The following TBC1D19 variants were observed in gnomAD, a reference collection of about 807,000 sequenced individuals.
TBC1D19 encodes TBC1 domain family, member 19.
In TBC1D19, 60 loss-of-function variants were observed where a neutral mutation model predicts 89.0. The ratio of observed to expected loss-of-function variants is 0.67; its 90% CI spans 0.55 to 0.84. The LOEUF (loss-of-function observed/expected upper bound fraction) is 0.84. Among genes scored for constraint, TBC1D19 ranks in the 40% least tolerant of loss-of-function variants. TBC1D19 has a pLI of 0.00. For missense variants in TBC1D19, 500 were observed against 610.8 expected (o/e 0.82, Z 1.91); for synonymous variants, 189 against 199.7 (o/e 0.95, Z 0.45).
intron 1 of TBC1D19, among the ~76,000 whole-genome samples, chr4:26,608,474 T>C (rs1269162404): frequency 2.0e-5 from 3 of 152,218 alleles, no homozygotes; most frequent in Non-Finnish European, 4.4e-5. Flanking sequence ...CTAAATCATG[T>C]TTGGGAACCA....
Position 26,672,199 on chromosome 4 carries a change from AT to A in TBC1D19, c.703+14del. The A allele has an allele frequency of 7.6e-7, 1 of 1,323,530 alleles. No individual in the cohort carries two copies. The highest frequency in any genetic ancestry group is 1.0e-6 in the Non-Finnish European group (1 of 1,001,540). 82.0% of individuals were successfully genotyped at this position (1,323,530 alleles called of 1,614,324 possible). A position where few individuals can be genotyped will look rare whatever the true frequency, so the allele number is the denominator to read the frequency against. On this transcript the variant is annotated intron_variant, in intron 10 of 20. Coordinates refer to ENST00000264866, the MANE Select transcript of TBC1D19 (RefSeq NM_018317.4). ...TATTGGGCAAAAAGGTAAGCTTTTA[AT>A]TATAAATGTTATTATTTCTGAAAAG...
Position 26,620,670 on chromosome 4 carries a change from A to G in TBC1D19, c.276A>G (p.Val92=). 6.2e-7 allele frequency: 1 copy of G among 1,613,778 alleles called. No homozygotes were observed. The highest frequency in any genetic ancestry group is 1.1e-5 in the South Asian group (1 of 91,026). ...APPEHLKEPL[V]YMRKAQGSWE... ...CTGAACATCTTAAAGAACCTTTGGT[A>G]TACATGAGGAAAGCACAGGTTGGCT... The change falls in exon 4 of 21, where the codon GTA becomes GTG. Residue 92 remains valine, a synonymous_variant. Transcript: ENST00000264866.
chr4:26,772,197 T>C, the TBC1D19 span, among the ~76,000 whole-genome samples: 1 of 150,760 alleles, frequency 6.6e-6, no homozygotes, highest in Non-Finnish European at 1.5e-5. Context: ...GGAGTCCGGC[T>C]CCTGGCCAAA....
chr4:26,715,446 G>T (rs1239178858), intron 13 of TBC1D19, among the ~76,000 whole-genome samples: 1 of 152,068 alleles, frequency 6.6e-6, no homozygotes, highest in African/African-American at 2.4e-5. Flanking sequence ...TCCCAGGGAA[G>T]CCAATTTAGA....
In TBC1D19 at chr4:26,751,498, G is replaced by T. The variant is rs1435924608; in HGVS notation, c.1436-2322G>T. Reference sequence around the variant, plus strand: ...TTGGTCTACAGAAATAGTTTTCTTTGATATTCTTGTAAACATGAAACTCAG... The same window carrying T: ...TTGGTCTACAGAAATAGTTTTCTTTTATATTCTTGTAAACATGAAACTCAG... On this transcript the variant is annotated intron_variant, in intron 19 of 20. Transcript: ENST00000264866. 2.0e-5 allele frequency among the ~76,000 whole-genome samples: 3 copies of T among 152,152 alleles called. No individual in the cohort carries two copies. In the East Asian group the frequency reaches 5.8e-4, roughly 29 times the overall value.
the TBC1D19 span, among the ~76,000 whole-genome samples, chr4:26,825,244 G>T: frequency 6.6e-6 from 1 of 152,022 alleles, no homozygotes; most frequent in East Asian, 1.9e-4. Flanking sequence ...GACTACAGGT[G>T]CACACCACCA....
At chr4:26,698,200 C>G (rs1714983819) in intron 13 of TBC1D19, among the ~76,000 whole-genome samples, 1 of 152,204 alleles carries the variant, frequency 6.6e-6, no homozygotes, top group Admixed American at 6.5e-5. Flanking sequence ...AAATCACAAG[C>G]ATTCTTATTC....
intron 13 of TBC1D19, among the ~76,000 whole-genome samples, chr4:26,698,048 A>G (rs1487550741): frequency 2.0e-5 from 3 of 152,190 alleles, no homozygotes; most frequent in African/African-American, 4.8e-5. Context: ...AGGGTATTCA[A>G]TTAGGAAAAG....
At chr4:26,700,722 T>G (rs1287366290) in intron 13 of TBC1D19, among the ~76,000 whole-genome samples, 1 of 152,246 alleles carries the variant, frequency 6.6e-6, no homozygotes, top group African/African-American at 2.4e-5. Flanking sequence ...AGGAAAATTC[T>G]ATTGGTTTTG....
At chr4:26,670,641 A>G (rs1248383423) in intron 9 of TBC1D19, among the ~76,000 whole-genome samples, 2 of 151,800 alleles carry the variant, frequency 1.3e-5, no homozygotes, top group East Asian at 3.8e-4. Flanking sequence ...AATTTTTACA[A>G]AGTGAACACA....
chr4:26,799,863 A>G, the TBC1D19 span, among the ~76,000 whole-genome samples: 1 of 151,954 alleles, frequency 6.6e-6, no homozygotes, highest in South Asian at 2.1e-4. Context: ...GGCAATAGGT[A>G]AACACTAGCT....
At chr4:26,681,874 C>T (rs961086234) in intron 11 of TBC1D19, among the ~76,000 whole-genome samples, 9 of 152,038 alleles carry the variant, frequency 5.9e-5, no homozygotes, top group Admixed American at 3.3e-4. Context: ...TATTGAAAAA[C>T]AACAACACAA....
intron 16 of TBC1D19, among the ~76,000 whole-genome samples, chr4:26,737,525 A>G (rs1281752643): frequency 6.6e-6 from 1 of 152,188 alleles, no homozygotes; most frequent in Non-Finnish European, 1.5e-5. Flanking sequence ...TTTAAAATAT[A>G]TCATTGACTC....
the TBC1D19 span, among the ~76,000 whole-genome samples, chr4:26,852,248 C>T: frequency 6.6e-6 from 1 of 152,158 alleles, no homozygotes; most frequent in Admixed American, 6.5e-5. Flanking sequence ...ACGATGTATT[C>T]GGTTGGTCTA....
chr4:26,590,810 T>TTG (rs1425434370), intron 1 of TBC1D19, among the ~76,000 whole-genome samples: 2 of 100,286 alleles, frequency 2.0e-5, no homozygotes, highest in African/African-American at 3.4e-5. Flanking sequence ...TTTTTTTTTT[T>TTG]TTTTTTTTTT....
chr4:26,630,297 A>G (rs1385353042), intron 4 of TBC1D19, among the ~76,000 whole-genome samples: 1 of 151,982 alleles, frequency 6.6e-6, no homozygotes, highest in Non-Finnish European at 1.5e-5. Flanking sequence ...TTTCATTTAG[A>G]GAGGATATAG....
intron 13 of TBC1D19, among the ~76,000 whole-genome samples, chr4:26,700,557 T>C (rs1158871498): frequency 6.6e-6 from 1 of 152,150 alleles, no homozygotes; most frequent in Non-Finnish European, 1.5e-5. Context: ...AAAAAGTTTG[T>C]ATGATTTGCC....
intron 17 of TBC1D19, 74 bp downstream of exon 17, chr4:26,740,047 C>G: frequency 1.0e-6 from 1 of 964,242 alleles, no homozygotes; most frequent in Non-Finnish European, 1.5e-6. Context: ...AAGAAAAAGT[C>G]TTCTACTCAA....
intron 7 of TBC1D19, among the ~76,000 whole-genome samples, chr4:26,640,901 C>G (rs1362828484): frequency 6.6e-6 from 1 of 152,162 alleles, no homozygotes; most frequent in Non-Finnish European, 1.5e-5. Context: ...GCGGGAAGCT[C>G]GAACTGGGTG....
Sources: gnomAD v4.1 joint callset for allele counts (sites outside exome capture counted in the v4.1 genomes callset) on GRCh38, gnomAD v4.1.1 for gene constraint, MANE v1.5 for transcripts, NCBI Gene and HGNC (gene_info 2026-07-23, HGNC 2026-07-21) for gene names.